Variants in CDK15 observed in about 807,000 individuals in gnomAD.
The protein encoded by CDK15 is cyclin-dependent kinase 15.
A neutral mutation model predicts 60.3 loss-of-function variants in CDK15; 62 were observed. That is an observed-to-expected ratio of 1.03 (90% confidence interval 0.84 to 1.27). The LOEUF (loss-of-function observed/expected upper bound fraction) is 1.27, where lower values mean the gene tolerates loss of function less well. Ranked by LOEUF, CDK15 falls within the 50% of genes most tolerant of loss-of-function variation. CDK15 has a pLI of 0.00. For missense variants in CDK15, 541 were observed against 527.8 expected, an observed-to-expected ratio of 1.03 and a Z score of -0.25; for synonymous variants, 194 against 195.7, an observed-to-expected ratio of 0.99 and a Z score of 0.07.
rs545198127 is a variant in CDK15 at position 201,864,317 on chromosome 2, TTTTA to T, written c.1010-7949_1010-7946del. Among the ~76,000 whole-genome samples, 463 of 151,914 alleles carry T rather than the reference TTTTA, an allele frequency of 3.0e-3. 1 individual carries two copies. Among genetic ancestry groups the T allele is most frequent in the Non-Finnish European group, 5.4e-3 (369 of 67,934 alleles). On this transcript the variant is annotated intron_variant, in intron 10 of 13. Transcript: ENST00000652192. Reference sequence around the variant, plus strand: ...CTTAATTTGGGGAATTTAGGGATAGTTTTATTTATTTATTTTTTGAGATGAAGTC... The same window carrying T: ...CTTAATTTGGGGAATTTAGGGATAGTTTTATTTATTTTTTGAGATGAAGTC...
At chr2:201,835,998 A>ATATT (rs1697011957) in intron 8 of CDK15, among the ~76,000 whole-genome samples, 1 of 22,394 alleles carries the variant, frequency 4.5e-5, no homozygotes, top group Admixed American at 1.1e-3. Context: ...ATATTTATAT[A>ATATT]TATTTATATT....
At chr2:201,816,775 G>T (rs1696016807) in intron 4 of CDK15, among the ~76,000 whole-genome samples, 1 of 152,026 alleles carries the variant, frequency 6.6e-6, no homozygotes, top group African/African-American at 2.4e-5. Context: ...CCAAAACAGG[G>T]CCTGGGGGGA....
intron 4 of CDK15, among the ~76,000 whole-genome samples, chr2:201,821,695 G>T (rs1696226805): frequency 1.3e-5 from 2 of 151,898 alleles, no homozygotes; most frequent in Non-Finnish European, 2.9e-5. Flanking sequence ...TTTTGAGATG[G>T]AGTCTCGCTC....
At chr2:201,887,516 C>T (rs1699495516) in intron 12 of CDK15, among the ~76,000 whole-genome samples, 1 of 152,016 alleles carries the variant, frequency 6.6e-6, no homozygotes, top group Admixed American at 6.6e-5. Flanking sequence ...TTTTGTTTCC[C>T]AACATAATGT....
Position 201,843,508 on chromosome 2 carries a change from C to G in CDK15, c.852-3873C>G, listed in dbSNP as rs748427185. ...TCACCTTTCAAACTTACAGTGTGGG[C>G]TTGTTTTGTTATCAATGCATTGATA... On this transcript the variant is annotated intron_variant, in intron 8 of 13. Coordinates refer to ENST00000652192, the MANE Select transcript of CDK15 (RefSeq NM_001366386.2). Among the ~76,000 whole-genome samples the G allele has an allele frequency of 5.3e-5, 8 of 152,162 alleles. No homozygotes were observed. In the East Asian group the frequency reaches 1.4e-3, roughly 26 times the overall value.
intron 9 of CDK15, among the ~76,000 whole-genome samples, chr2:201,854,104 G>T (rs1041264655): frequency 6.6e-6 from 1 of 152,034 alleles, no homozygotes; most frequent in African/African-American, 2.4e-5. Flanking sequence ...AACCTGGGAG[G>T]CAGAGCTTGC....
chr2:201,865,892 CAA>C (rs35178158), intron 10 of CDK15, among the ~76,000 whole-genome samples: 224 of 40,026 alleles, frequency 5.6e-3, no homozygotes, highest in African/African-American at 0.015. Flanking sequence ...TCCATCTCAA[CAA>C]AAAAAAAAAA....
At chr2:201,826,226 C>T (rs544230888) in intron 6 of CDK15, among the ~76,000 whole-genome samples, 7 of 152,094 alleles carry the variant, frequency 4.6e-5, no homozygotes, top group Non-Finnish European at 8.8e-5. Context: ...TTTGGGAGGC[C>T]GAGGCGGGTG....
intron 11 of CDK15, chr2:201,876,381 G>A (rs973739106): frequency 3.6e-5 from 13 of 360,180 alleles, no homozygotes; most frequent in South Asian, 2.1e-4. Context: ...CTCAATGTGC[G>A]ATAGCAAGGC....
chr2:201,887,813 A>G (rs1373880501), intron 12 of CDK15, among the ~76,000 whole-genome samples: 1 of 152,192 alleles, frequency 6.6e-6, no homozygotes, highest in South Asian at 2.1e-4. Context: ...AGCAACTTCA[A>G]TTTAAAGTGC....
At chr2:201,845,669 T>C (rs1697622076) in intron 8 of CDK15, among the ~76,000 whole-genome samples, 1 of 150,230 alleles carries the variant, frequency 6.7e-6, no homozygotes, top group African/African-American at 2.4e-5. Flanking sequence ...ATATGAATAA[T>C]ATTAAGGACC....
intron 10 of CDK15, among the ~76,000 whole-genome samples, chr2:201,871,935 G>A (rs1698863838): frequency 1.3e-5 from 2 of 151,986 alleles, no homozygotes; most frequent in African/African-American, 4.8e-5. Flanking sequence ...TTTTTAGGAG[G>A]ATGTGAGTCA....
At chr2:201,875,418 T>C (rs528045442) in intron 11 of CDK15, among the ~76,000 whole-genome samples, 1 of 152,286 alleles carries the variant, frequency 6.6e-6, no homozygotes, top group Non-Finnish European at 1.5e-5. Context: ...TACTTTAACA[T>C]GTTGTATATA....
intron 4 of CDK15, among the ~76,000 whole-genome samples, chr2:201,813,560 GA>G (rs1420396480): frequency 6.6e-6 from 1 of 152,198 alleles, no homozygotes; most frequent in African/African-American, 2.4e-5. Context: ...TGAAGGATGA[GA>G]AGAGAAACCC....
In CDK15 at chr2:201,826,152, T is replaced by A. The variant is rs554480121; in HGVS notation, c.606+2425T>A. Among the ~76,000 whole-genome samples the A allele has an allele frequency of 5.9e-5, 9 of 152,288 alleles. No homozygotes were observed. The South Asian group carries it at 1.9e-3, about 32-fold the overall frequency. ...TAGATGTGCAACGGCATCAAAGATA[T>A]CTTCTAGTTTCAAGAAGTTTCAGAT... On this transcript the variant is annotated intron_variant, in intron 6 of 13. Coordinates refer to ENST00000652192, the MANE Select transcript of CDK15 (RefSeq NM_001366386.2).
At chr2:201,868,861 T>C (rs1698742504) in intron 10 of CDK15, among the ~76,000 whole-genome samples, 1 of 152,154 alleles carries the variant, frequency 6.6e-6, no homozygotes, top group South Asian at 2.1e-4. Context: ...ATGGCAATCA[T>C]TAAAAAGTCA....
chr2:201,807,690 G>A lies in CDK15; in HGVS notation c.273+47G>A, dbSNP rs769740847. 5.0e-6 allele frequency: 8 copies of A among 1,608,714 alleles called. No individual in the cohort carries two copies. In the South Asian group the frequency reaches 6.6e-5, roughly 13 times the overall value. On this transcript the variant is annotated intron_variant, in intron 2 of 13. Transcript: ENST00000652192. ...ATCAAGAAGAATTTAATGTGAGCTTGTCTACGGAGGCCGGCCCTTGCTTCC... is the reference window on the plus strand; with the variant it reads ...ATCAAGAAGAATTTAATGTGAGCTTATCTACGGAGGCCGGCCCTTGCTTCC...
At chr2:201,837,491 G>T (rs1156322377) in intron 8 of CDK15, among the ~76,000 whole-genome samples, 1 of 147,442 alleles carries the variant, frequency 6.8e-6, no homozygotes, top group Non-Finnish European at 1.5e-5. Context: ...AGGAAGGAAG[G>T]AAGGAAGGAA....
intron 11 of CDK15, among the ~76,000 whole-genome samples, chr2:201,878,517 G>C (rs1204953614): frequency 6.6e-6 from 1 of 152,156 alleles, no homozygotes; most frequent in African/African-American, 2.4e-5. Context: ...TCCCATTATA[G>C]GTCAGGTATT....
Sources: gnomAD v4.1 joint callset for allele counts (sites outside exome capture counted in the v4.1 genomes callset) on GRCh38, gnomAD v4.1.1 for gene constraint, MANE v1.5 for transcripts, NCBI Gene and HGNC (gene_info 2026-07-23, HGNC 2026-07-21) for gene names.